Variants in KIAA1210 observed in about 807,000 individuals in gnomAD.
KIAA1210 encodes acrosomal protein KIAA1210.
KIAA1210 carries 48 observed loss-of-function variants against 78.9 expected under a neutral mutation model. The observed-to-expected ratio is 0.61, with a 90% CI of 0.48 to 0.77. The LOEUF (loss-of-function observed/expected upper bound fraction) is 0.77. Ranked by LOEUF, KIAA1210 falls within the 30% of genes least tolerant of loss-of-function variation. The pLI is 0.00. For synonymous variants in KIAA1210, 406 were observed against 404.5 expected (o/e 1.00, Z -0.04); for missense variants, 1,108 against 1,100.0 (o/e 1.01, Z -0.10).
intron 11 of KIAA1210, 136 bp downstream of exon 11, chrX:119,082,879 C>T: frequency 7.5e-6 from 3 of 399,980 alleles, no homozygotes; most frequent in Non-Finnish European, 1.3e-5. Context: ...ATATTTGTAT[C>T]TAATTAAAGA....
At chrX:119,125,210 A>G (rs1928591245) in intron 1 of KIAA1210, among the ~76,000 whole-genome samples, 2 of 111,584 alleles carry the variant, frequency 1.8e-5, no homozygotes, top group Admixed American at 9.5e-5. Flanking sequence ...ATGATATTAC[A>G]TTGCTGACGA....
intron 8 of KIAA1210, among the ~76,000 whole-genome samples, chrX:119,092,035 C>T (rs1927382947): frequency 8.9e-6 from 1 of 111,877 alleles, no homozygotes; most frequent in African/African-American, 3.3e-5. Flanking sequence ...CTAGACTTCA[C>T]CACTATACAA....
chrX:119,125,730 TATATA>T (rs1480479992), intron 1 of KIAA1210, among the ~76,000 whole-genome samples: 1 of 8,269 alleles, frequency 1.2e-4, no homozygotes, highest in Non-Finnish European at 5.7e-4. Context: ...TATATATATA[TATATA>T]TTTTTTTTTT....
Position 119,113,283 on chromosome X carries a change from T to C in KIAA1210, c.230+3213A>G, listed in dbSNP as rs577551703. Among the ~76,000 whole-genome samples the C allele has an allele frequency of 9.1e-4, 102 of 111,761 alleles. 1 individual carries two copies. The South Asian group carries it at 0.033, about 36-fold the overall frequency. On this transcript the variant is annotated intron_variant, in intron 3 of 11. Coordinates refer to ENST00000691062, the MANE Select transcript of KIAA1210 (RefSeq NM_001394962.1). ...TTATGATGATGATTGTACAACTCTG[T>C]GGATTTACAAAAAACGTTGAATTTT...
intron 6 of KIAA1210, among the ~76,000 whole-genome samples, chrX:119,099,875 C>A (rs1052345371): frequency 3.6e-5 from 4 of 111,905 alleles, no homozygotes; most frequent in African/African-American, 1.3e-4. Flanking sequence ...AGTCCTCTAG[C>A]ATGAAGAGAA....
At chrX:119,128,474 T>A (rs1401058424), upstream of KIAA1210, among the ~76,000 whole-genome samples, 1 of 106,697 alleles carries the variant, frequency 9.4e-6, no homozygotes, top group African/African-American at 3.4e-5. Context: ...CTCCTGGTAA[T>A]GCCCCCTTTC....
At chrX:119,118,357 C>T (rs1339640933) in intron 2 of KIAA1210, among the ~76,000 whole-genome samples, 1 of 111,928 alleles carries the variant, frequency 8.9e-6, no homozygotes, top group Non-Finnish European at 1.9e-5. Context: ...GAGGGATGCT[C>T]ATAAGATTTG....
intron 5 of KIAA1210, among the ~76,000 whole-genome samples, chrX:119,107,080 T>A (rs974618494): frequency 8.9e-6 from 1 of 112,124 alleles, no homozygotes; most frequent in African/African-American, 3.2e-5. Context: ...GGTTGGTTGT[T>A]GATAACTTAG....
At chrX:119,097,241 C>G (rs1927584479) in intron 6 of KIAA1210, among the ~76,000 whole-genome samples, 1 of 111,581 alleles carries the variant, frequency 9.0e-6, no homozygotes, top group Non-Finnish European at 1.9e-5. Flanking sequence ...TGGGAGGACC[C>G]TCAGGAACTG....
chrX:119,133,176 C>A (rs1055862631), intron 2 of KIAA1210, among the ~76,000 whole-genome samples: 3 of 111,499 alleles, frequency 2.7e-5, no homozygotes, highest in Non-Finnish European at 5.7e-5. Flanking sequence ...AATAAAGTAT[C>A]CTCCAGGGGA....
intron 2 of KIAA1210, chrX:119,147,467 C>A: frequency 8.3e-7 from 1 of 1,210,979 alleles, no homozygotes; most frequent in Non-Finnish European, 1.1e-6. Context: ...AAGCTCTCAG[C>A]CTCACTTTCC....
chrX:119,122,889 A>G, intron 2 of KIAA1210, among the ~76,000 whole-genome samples: 1 of 112,257 alleles, frequency 8.9e-6, no homozygotes, highest in Non-Finnish European at 1.9e-5. Flanking sequence ...CTGTTCTTCC[A>G]GACAAAGTTT....
rs763700345 is a variant in KIAA1210 at position 119,103,355 on chromosome X, T to C, written c.648+1637A>G. Among the ~76,000 whole-genome samples, 3 of 112,107 alleles carry C rather than the reference T, an allele frequency of 2.7e-5. No individual in the cohort carries two copies. In the South Asian group the frequency reaches 1.1e-3, roughly 42 times the overall value. On this transcript the variant is annotated intron_variant, in intron 6 of 11. Transcript: ENST00000691062. ...TGAAAAGATACTTAACATCATTATT[T>C]ACTAGAGAAATGCAAATCAAAACCA...
Position 119,133,668 on chromosome X carries a change from TTTC to T in KIAA1210, c.411-10019_411-10017del, listed in dbSNP as rs1319370655. 3.2e-3 allele frequency among the ~76,000 whole-genome samples: 332 copies of T among 104,309 alleles called. 2 individuals carry two copies. The highest frequency in any genetic ancestry group is 0.012 in the African/African-American group (318 of 26,283). The allele number at this position is 104,309 out of a possible 115,157, so 90.6% of individuals were successfully genotyped here. On this transcript the variant is annotated intron_variant, in intron 2 of 13. Transcript: ENST00000402510. ...ACAATCTTTTTTTCTTTTTCTTTTCTTTCTTTTTTTTTTTTTTTAAATACTGTG... is the reference window on the plus strand; with the variant it reads ...ACAATCTTTTTTTCTTTTTCTTTTCTTTTTTTTTTTTTTTTAAATACTGTG...
chrX:119,107,815 G>A (rs1178541524), intron 5 of KIAA1210, among the ~76,000 whole-genome samples: 7 of 111,879 alleles, frequency 6.3e-5, no homozygotes, highest in South Asian at 3.8e-4. Flanking sequence ...AGGCTGAGAC[G>A]GGGAAGGCAG....
intron 5 of KIAA1210, among the ~76,000 whole-genome samples, chrX:119,105,419 T>C (rs989333221): frequency 6.2e-5 from 7 of 112,221 alleles, no homozygotes; most frequent in Non-Finnish European, 1.3e-4. Context: ...AAACTTCAAA[T>C]TGCTTGTTCG....
At chrX:119,121,773 TA>T (rs200644320) in intron 2 of KIAA1210, among the ~76,000 whole-genome samples, 274 of 110,177 alleles carry the variant, frequency 2.5e-3, no homozygotes, top group African/African-American at 7.3e-3. Context: ...TTTTATTTAT[TA>T]TTTTTTTTTT....
At chrX:119,102,052 G>C (rs925422196) in intron 6 of KIAA1210, among the ~76,000 whole-genome samples, 1 of 112,777 alleles carries the variant, frequency 8.9e-6, no homozygotes, top group African/African-American at 3.2e-5. Context: ...CTATTGCTGG[G>C]CATTGGTTAT....
intron 2 of KIAA1210, among the ~76,000 whole-genome samples, chrX:119,142,544 G>A (rs1429283585): frequency 3.6e-5 from 4 of 110,298 alleles, no homozygotes; most frequent in Middle Eastern, 4.6e-3. Flanking sequence ...TTGGGAGGCC[G>A]AGGTGGGTGA....
Sources: allele counts gnomAD v4.1 joint callset (sites outside exome capture counted in the v4.1 genomes callset), GRCh38; gene constraint gnomAD v4.1.1; transcripts MANE v1.5; gene names NCBI Gene and HGNC (gene_info 2026-07-23, HGNC 2026-07-21).